The following SYTL2 variants were observed in gnomAD, a reference collection of about 807,000 sequenced individuals.
SYTL2 encodes the protein synaptotagmin-like protein 2.
A neutral mutation model predicts 198.7 loss-of-function variants in SYTL2; 165 were observed. The observed-to-expected ratio is 0.83, with a 90% CI of 0.73 to 0.94. SYTL2 has a LOEUF of 0.94. Ranked by LOEUF, SYTL2 falls within the 40% of genes least tolerant of loss-of-function variation. The pLI is 0.00. For missense variants in SYTL2, 2,835 were observed against 2,582.8 expected (o/e 1.10, Z -2.12); for synonymous variants, 966 against 917.7 (o/e 1.05, Z -0.95).
At chr11:85,730,140 T>C (rs1483145734) in intron 7 of SYTL2, among the ~76,000 whole-genome samples, 2 of 152,284 alleles carry the variant, frequency 1.3e-5, no homozygotes, top group Admixed American at 1.3e-4. Context: ...CCAGATGGAT[T>C]CACAGCCGAA....
chr11:85,729,118 T>C (rs1473304460), intron 7 of SYTL2, among the ~76,000 whole-genome samples: 2 of 152,184 alleles, frequency 1.3e-5, no homozygotes, highest in African/African-American at 2.4e-5. Context: ...CAAAGAGACT[T>C]AGACTCCCAC....
intron 17 of SYTL2, 48 bp downstream of exon 17, chr11:85,700,467 G>A (rs773350722): frequency 1.5e-5 from 22 of 1,438,190 alleles, no homozygotes; most frequent in African/African-American, 2.8e-5. Flanking sequence ...CTGTGAGAAG[G>A]GAGGGATAAG....
chr11:85,799,761 C>T (rs981457987), intron 1 of SYTL2, among the ~76,000 whole-genome samples: 2 of 152,188 alleles, frequency 1.3e-5, no homozygotes, highest in Non-Finnish European at 2.9e-5. Context: ...CACCTCCTTC[C>T]TCTGTGCTCA....
At chr11:85,816,057 C>G (rs540409201), upstream of SYTL2, among the ~76,000 whole-genome samples, 1 of 151,960 alleles carries the variant, frequency 6.6e-6, no homozygotes, top group Non-Finnish European at 1.5e-5. Context: ...CCCAGCTACT[C>G]GAGAGGCTGA....
chr11:85,768,320 T>C (rs1407554088), intron 1 of SYTL2, among the ~76,000 whole-genome samples: 1 of 152,260 alleles, frequency 6.6e-6, no homozygotes, highest in Non-Finnish European at 1.5e-5. Flanking sequence ...AGTGTTGTGA[T>C]GTAGTAGAAT....
intron 7 of SYTL2, among the ~76,000 whole-genome samples, chr11:85,733,000 A>G (rs1001948271): frequency 1.3e-5 from 2 of 152,200 alleles, no homozygotes; most frequent in Non-Finnish European, 2.9e-5. Flanking sequence ...CCTTCAAGAC[A>G]AGGCTAGTTA....
chr11:85,807,591 TG>T (rs11346559), intron 1 of SYTL2, among the ~76,000 whole-genome samples: 59,655 of 152,064 alleles, frequency 0.39, 12,889 homozygotes, highest in African/African-American at 0.57. Context: ...AATGCAATGC[TG>T]GGGCAATGAC....
At position 85,773,663 on chromosome 11, in the gene SYTL2, G is replaced by A. The variant is rs909259665; in HGVS notation, c.-389-15549C>T. On this transcript the variant is annotated intron_variant, in intron 1 of 19. Transcript: ENST00000359152. The stretch of plus-strand genomic sequence containing the variant: ...ACCTGACCTGTGCCCGCCACTCCAT[G>A]TTTGGTGATATTGTTCCAAATTCCA... 3.3e-5 allele frequency among the ~76,000 whole-genome samples: 5 copies of A among 152,152 alleles called. 1 individual carries two copies. Among genetic ancestry groups the A allele is most frequent in the Admixed American group, 2.6e-4 (4 of 15,282 alleles).
chr11:85,768,704 C>A (rs2092295007), intron 1 of SYTL2, among the ~76,000 whole-genome samples: 1 of 152,192 alleles, frequency 6.6e-6, no homozygotes, highest in Non-Finnish European at 1.5e-5. Context: ...TTTCTGCAAG[C>A]ACACACACTC....
chr11:85,712,784 T>G (rs1305949908), intron 12 of SYTL2, among the ~76,000 whole-genome samples: 5 of 151,900 alleles, frequency 3.3e-5, no homozygotes, highest in Non-Finnish European at 5.9e-5. Flanking sequence ...TGGCACAATC[T>G]CGGCTCACTA....
At chr11:85,816,926 A>AG in the SYTL2 span, among the ~76,000 whole-genome samples, 1 of 151,580 alleles carries the variant, frequency 6.6e-6, no homozygotes, top group African/African-American at 2.4e-5. Flanking sequence ...AAAAAAAAAA[A>AG]AAAAAAAAAG....
the SYTL2 span, among the ~76,000 whole-genome samples, chr11:85,819,400 C>T: frequency 6.6e-5 from 10 of 152,100 alleles, no homozygotes; most frequent in South Asian, 6.2e-4. Context: ...GTTCTGTTGC[C>T]GCACTCACTA....
chr11:85,741,221 G>A (rs2090763683), intron 4 of SYTL2, among the ~76,000 whole-genome samples: 1 of 152,116 alleles, frequency 6.6e-6, no homozygotes, highest in African/African-American at 2.4e-5. Flanking sequence ...CCAGAACTGT[G>A]CTGGCATGTG....
chr11:85,778,460 G>A lies in SYTL2; in HGVS notation c.-389-20346C>T, dbSNP rs140238177. Among the ~76,000 whole-genome samples the A allele has an allele frequency of 5.4e-3, 824 of 152,350 alleles. 3 individuals carry two copies. Among genetic ancestry groups the A allele is most frequent in the African/African-American group, 0.018 (735 of 41,580 alleles). On this transcript the variant is annotated intron_variant, in intron 1 of 19. Coordinates refer to ENST00000359152, the MANE Select transcript of SYTL2 (RefSeq NM_206927.4). ...ACAACAGTACCCGGTACTAATTGCA[G>A]AGTGAATGCAGTGACCAAAGAGAAG...
At chr11:85,802,397 C>T (rs1475631717) in intron 1 of SYTL2, among the ~76,000 whole-genome samples, 1 of 151,942 alleles carries the variant, frequency 6.6e-6, no homozygotes, top group East Asian at 1.9e-4. Context: ...TCCCAAAGTG[C>T]TAGGATTACA....
At chr11:85,776,303 G>T (rs531290289) in intron 1 of SYTL2, among the ~76,000 whole-genome samples, 1 of 152,266 alleles carries the variant, frequency 6.6e-6, no homozygotes, top group South Asian at 2.1e-4. Context: ...TGCAGAACAT[G>T]CAGTTTTGTT....
intron 4 of SYTL2, among the ~76,000 whole-genome samples, chr11:85,739,219 G>A (rs2090594233): frequency 6.6e-6 from 1 of 150,380 alleles, no homozygotes; most frequent in East Asian, 2.0e-4. Flanking sequence ...CCAGTGCCAG[G>A]AGAAGCAGCA....
At chr11:85,721,531 G>A (rs539307510) in intron 8 of SYTL2, among the ~76,000 whole-genome samples, 3 of 152,094 alleles carry the variant, frequency 2.0e-5, no homozygotes, top group East Asian at 1.9e-4. Context: ...TTAAAGTTGC[G>A]GGAGGGAGGC....
Position 85,717,470 on chromosome 11 carries a change from T to C in SYTL2, c.5530+13A>G. The C allele has an allele frequency of 1.2e-6, 2 of 1,610,686 alleles. No homozygotes were observed. Among genetic ancestry groups the C allele is most frequent in the South Asian group, 2.2e-5 (2 of 90,976 alleles). On this transcript the variant is annotated intron_variant, in intron 11 of 19. Transcript: ENST00000359152. ...AATGTTTAGTCATTTGTGAGAAAGATCCTGCTACTCACTTCTTGGTACGCA... is the reference window on the plus strand; with the variant it reads ...AATGTTTAGTCATTTGTGAGAAAGACCCTGCTACTCACTTCTTGGTACGCA...
Sources: allele counts gnomAD v4.1 joint callset (sites outside exome capture counted in the v4.1 genomes callset), GRCh38; gene constraint gnomAD v4.1.1; transcripts MANE v1.5; gene names NCBI Gene and HGNC (gene_info 2026-07-23, HGNC 2026-07-21).